Variants in OTUD7B observed in about 807,000 individuals in gnomAD.
OTUD7B encodes the protein OTU domain-containing protein 7B.
In OTUD7B, 34 loss-of-function variants were observed where a neutral mutation model predicts 82.2. That is an observed-to-expected ratio of 0.41 (90% CI 0.31 to 0.55). The LOEUF (loss-of-function observed/expected upper bound fraction) is 0.55. Ranked by LOEUF, OTUD7B falls within the 20% of genes least tolerant of loss-of-function variation. OTUD7B has a pLI of 0.20. For synonymous variants in OTUD7B, 398 were observed against 402.7 expected (o/e 0.99, Z 0.14); for missense variants, 944 against 1,062.1 (o/e 0.89, Z 1.55).
chr1:150,062,038 C>G, the OTUD7B span, among the ~76,000 whole-genome samples: 1 of 152,194 alleles, frequency 6.6e-6, no homozygotes, highest in Non-Finnish European at 1.5e-5. Context: ...ATAAATCACT[C>G]AAAACTGACA....
chr1:150,063,619 C>T, the OTUD7B span, among the ~76,000 whole-genome samples: 1 of 152,154 alleles, frequency 6.6e-6, no homozygotes, highest in African/African-American at 2.4e-5. Context: ...GGTTGGTAGT[C>T]ATGCTACAAG....
intron 1 of OTUD7B, among the ~76,000 whole-genome samples, 166 bp from the exon 2 acceptor site, chr1:149,977,742 C>T (rs1227322507): frequency 2.6e-5 from 4 of 152,150 alleles, no homozygotes; most frequent in Admixed American, 6.5e-5. Flanking sequence ...CATTTTATTT[C>T]CTAACTCTTC....
the OTUD7B span, among the ~76,000 whole-genome samples, chr1:150,020,584 G>C: frequency 6.6e-6 from 1 of 151,974 alleles, no homozygotes; most frequent in Admixed American, 6.6e-5. Context: ...ATGCTGTATG[G>C]GCCTCTATTT....
At position 149,982,175 on chromosome 1, in the gene OTUD7B, T is replaced by TATA. The variant is rs1650791930; in HGVS notation, c.-66-4600_-66-4599insTAT. ...AAATAAATAAATAAATAAATAAATATAAAAAATAAAAACATTCTTACTCAT... is the reference window on the plus strand; with the variant it reads ...AAATAAATAAATAAATAAATAAATATATAAAAAAATAAAAACATTCTTACTCAT... On this transcript the variant is annotated intron_variant, in intron 1 of 11. Transcript: ENST00000581312. Among the ~76,000 whole-genome samples the TATA allele has an allele frequency of 8.3e-5, 12 of 144,450 alleles. 1 individual carries two copies. The highest frequency in any genetic ancestry group is 1.7e-4 in the African/African-American group (6 of 35,410). 94.8% of individuals were successfully genotyped at this position (144,450 alleles called of 152,430 possible). A position where few individuals can be genotyped will look rare whatever the true frequency, so the allele number is the denominator to read the frequency against.
intron 2 of OTUD7B, among the ~76,000 whole-genome samples, chr1:149,973,794 C>T (rs1356354546): frequency 8.0e-5 from 12 of 150,414 alleles, no homozygotes; most frequent in Admixed American, 2.7e-4. Context: ...CCTCAGTTAA[C>T]TTTTAAAAGA....
At chr1:150,044,420 C>T in the OTUD7B span, among the ~76,000 whole-genome samples, 1 of 151,926 alleles carries the variant, frequency 6.6e-6, no homozygotes. Flanking sequence ...GTTGGCCAGG[C>T]TGGTCTCGAA....
chr1:150,059,057 T>C, the OTUD7B span, among the ~76,000 whole-genome samples: 2 of 148,062 alleles, frequency 1.4e-5, no homozygotes, highest in Non-Finnish European at 3.0e-5. Context: ...TCTTTTCTTT[T>C]TTTTTTTTTT....
chr1:149,982,585 G>A (rs141035687), intron 1 of OTUD7B, among the ~76,000 whole-genome samples: 2 of 151,974 alleles, frequency 1.3e-5, no homozygotes, highest in Non-Finnish European at 2.9e-5. Context: ...TCAGCCTCCT[G>A]AGTAGCTAGG....
the OTUD7B span, among the ~76,000 whole-genome samples, chr1:150,037,215 C>A: frequency 6.7e-6 from 1 of 149,072 alleles, no homozygotes; most frequent in Non-Finnish European, 1.5e-5. Flanking sequence ...TAGGAGAGAT[C>A]ACAAAATGTT....
chr1:150,062,191 G>A, the OTUD7B span, among the ~76,000 whole-genome samples: 1 of 152,118 alleles, frequency 6.6e-6, no homozygotes, highest in Non-Finnish European at 1.5e-5. Context: ...ATATACCAAG[G>A]GGACGAATTT....
chr1:149,982,182 T>C (rs1303427634), intron 1 of OTUD7B, among the ~76,000 whole-genome samples: 1 of 148,936 alleles, frequency 6.7e-6, no homozygotes, highest in Admixed American at 6.6e-5. Flanking sequence ...ATATAAAAAA[T>C]AAAAACATTC....
the OTUD7B span, among the ~76,000 whole-genome samples, chr1:150,044,239 G>T: frequency 6.6e-6 from 1 of 151,180 alleles, no homozygotes; most frequent in Middle Eastern, 3.4e-3. Context: ...ATGGAGTCTT[G>T]CTCCATAGCC....
At position 149,988,967 on chromosome 1, in the gene OTUD7B, C is replaced by G. The variant is rs1159711864; in HGVS notation, c.-66-11391G>C. Among the ~76,000 whole-genome samples the G allele has an allele frequency of 4.6e-5, 7 of 152,160 alleles. 1 individual carries two copies. The highest frequency in any genetic ancestry group is 1.7e-4 in the African/African-American group (7 of 41,434). ...TAGAATCAATTCTCAAACATTTATTCAGTAGCTGACAATCTTCTCTCCCTT... is the reference window on the plus strand; with the variant it reads ...TAGAATCAATTCTCAAACATTTATTGAGTAGCTGACAATCTTCTCTCCCTT... On this transcript the variant is annotated intron_variant, in intron 1 of 11. Transcript: ENST00000581312.
intron 1 of OTUD7B, among the ~76,000 whole-genome samples, chr1:149,987,055 T>C (rs1651201571): frequency 6.6e-6 from 1 of 152,220 alleles, no homozygotes; most frequent in South Asian, 2.1e-4. Flanking sequence ...TAATATGTTT[T>C]AAAGCTTTAG....
chr1:149,944,054 A>T lies in OTUD7B; in HGVS notation c.2335T>A (p.Tyr779Asn). ...YRVADSYSNG[Y>N]REPPEPDGWA... ...CCATCTGGCTCAGGGGGCTCTCTGT[A>T]GCCATTGCTATAGGAATCAGCCACT... is the stretch of plus-strand genomic sequence containing the variant. The change falls in exon 12 of 12, where the codon TAC becomes AAC. Residue 779 changes from tyrosine (Y) to asparagine (N), a missense_variant. Tyr to Asn is a moderately radical substitution (Grantham distance 143). Coordinates refer to ENST00000581312, the MANE Select transcript of OTUD7B (RefSeq NM_020205.4). 1 of 1,614,158 alleles carries T rather than the reference A, an allele frequency of 6.2e-7. No homozygotes were observed. Among genetic ancestry groups the T allele is most frequent in the East Asian group, 2.2e-5 (1 of 44,888 alleles).
chr1:149,994,351 G>C (rs1228273712), intron 1 of OTUD7B, among the ~76,000 whole-genome samples: 1 of 152,102 alleles, frequency 6.6e-6, no homozygotes, highest in East Asian at 1.9e-4. Context: ...GGGAGGCTGA[G>C]GTGGGCGGAT....
intron 1 of OTUD7B, among the ~76,000 whole-genome samples, chr1:149,979,897 T>C (rs1650597719): frequency 2.0e-5 from 3 of 152,082 alleles, no homozygotes; most frequent in African/African-American, 4.8e-5. Context: ...ACCAAGTGTA[T>C]AGCTGCAAAA....
chr1:150,007,218 T>C (rs1219139531), intron 1 of OTUD7B, among the ~76,000 whole-genome samples: 1 of 152,228 alleles, frequency 6.6e-6, no homozygotes, highest in East Asian at 1.9e-4. Flanking sequence ...ACTATTTCAT[T>C]TACTTGAATG....
Position 149,943,617 on chromosome 1 carries a change from C to G in OTUD7B, c.*240G>C. The stretch of plus-strand genomic sequence containing the variant: ...GAATCGCCATCTTTTCCCCTTGTAC[C>G]TCAAACCTCATCAAGTCAAGCTCTG... On this transcript the variant is annotated 3_prime_UTR_variant, in exon 12 of 12. Coordinates refer to ENST00000581312, the MANE Select transcript of OTUD7B (RefSeq NM_020205.4). 1.9e-6 allele frequency: 1 copy of G among 540,522 alleles called. No homozygotes were observed. The highest frequency in any genetic ancestry group is 2.4e-5 in the South Asian group (1 of 41,004). The allele number at this position is 540,522 out of a possible 1,614,324, so 33.5% of individuals were successfully genotyped here.
Sources: allele counts gnomAD v4.1 joint callset (sites outside exome capture counted in the v4.1 genomes callset), GRCh38; gene constraint gnomAD v4.1.1; transcripts MANE v1.5; gene names NCBI Gene and HGNC (gene_info 2026-07-23, HGNC 2026-07-21).